Variants in TRAM1 observed in about 807,000 individuals in gnomAD.
TRAM1 encodes translocating chain-associated membrane protein 1.
TRAM1 carries 17 observed loss-of-function variants against 48.7 expected under a neutral mutation model. The ratio of observed to expected loss-of-function variants is 0.35; its 90% CI spans 0.24 to 0.52. TRAM1 has a LOEUF of 0.52. TRAM1 is among the 20% of genes least tolerant of loss of function. TRAM1 has a pLI of 0.94. For missense variants in TRAM1, 351 were observed against 441.5 expected (o/e 0.79, Z 1.84); for synonymous variants, 182 against 154.0 (o/e 1.18, Z -1.34).
chr8:70,592,385 CAT>C lies in TRAM1; in HGVS notation c.570+2119_570+2120del, dbSNP rs553821175. Among the ~76,000 whole-genome samples, 143 of 152,248 alleles carry C rather than the reference CAT, an allele frequency of 9.4e-4. 1 individual carries two copies. Among genetic ancestry groups the C allele is most frequent in the Middle Eastern group, 6.8e-3 (2 of 294 alleles). On this transcript the variant is annotated intron_variant, in intron 6 of 10. Coordinates refer to ENST00000262213, the MANE Select transcript of TRAM1 (RefSeq NM_014294.6). ...AGTAAAGAGTTCCAAAAATAATTTTCATAGAGTAAATTTTAAGAAACTGTTTA... is the reference window on the plus strand; with the variant it reads ...AGTAAAGAGTTCCAAAAATAATTTTCAGAGTAAATTTTAAGAAACTGTTTA...
chr8:70,594,838 T>G (rs1417440259), intron 5 of TRAM1, among the ~76,000 whole-genome samples: 1 of 152,164 alleles, frequency 6.6e-6, no homozygotes, highest in Non-Finnish European at 1.5e-5. Flanking sequence ...GCTATTGACA[T>G]GTAAGCCAGT....
Position 70,594,527 on chromosome 8 carries a change from G to C in TRAM1, c.549C>G (p.Leu183=). 3.1e-6 allele frequency: 5 copies of C among 1,600,538 alleles called. No individual in the cohort carries two copies. Among genetic ancestry groups the C allele is most frequent in the Non-Finnish European group, 4.3e-6 (5 of 1,173,768 alleles). The change falls in exon 6 of 11, where the codon CTC becomes CTG. Residue 183 remains leucine (L), a synonymous_variant. Coordinates refer to ENST00000262213, the MANE Select transcript of TRAM1 (RefSeq NM_014294.6). ...LAYWLHAFPE[L]YFQKTKKEDI... is the part of the protein sequence containing the mutation. ...TTACTTTTTTGGTTTTCTGGAAGTA[G>C]AGTTCAGGAAAAGCATGAAGCCAGT...
At chr8:70,583,887 C>T (rs1296152685) in intron 8 of TRAM1, 94 bp from the exon 9 acceptor site, 9 of 1,390,844 alleles carry the variant, frequency 6.5e-6, no homozygotes, top group Non-Finnish European at 8.6e-6. Context: ...GTGGCAGACG[C>T]CTGTAATCCC....
rs1289970061 is a variant in TRAM1 at position 70,598,265 on chromosome 8, A to T, written c.188-10T>A. The stretch of plus-strand genomic sequence containing the variant: ...TCAGTAGCTTGTTCTTCTGAAGACC[A>T]AAAAGGACACAAATACACAAAAATA... On this transcript the variant is annotated splice_polypyrimidine_tract_variant and intron_variant, in intron 2 of 10. Coordinates refer to ENST00000262213, the MANE Select transcript of TRAM1 (RefSeq NM_014294.6). The T allele has an allele frequency of 6.3e-7, 1 of 1,597,938 alleles. No individual in the cohort carries two copies. Among genetic ancestry groups the T allele is most frequent in the Non-Finnish European group, 8.5e-7 (1 of 1,172,208 alleles).
chr8:70,602,404 C>T (rs944668553), intron 1 of TRAM1, among the ~76,000 whole-genome samples: 1 of 152,134 alleles, frequency 6.6e-6, no homozygotes. Context: ...GTTAAACACA[C>T]AGGATAGAAA....
intron 10 of TRAM1, among the ~76,000 whole-genome samples, chr8:70,578,743 T>C (rs1476876733): frequency 6.6e-6 from 1 of 152,228 alleles, no homozygotes; most frequent in African/African-American, 2.4e-5. Flanking sequence ...CAACACTTTC[T>C]TTACAGCCAG....
Position 70,583,543 on chromosome 8 carries a change from T to C in TRAM1, c.890+107A>G, listed in dbSNP as rs755593604. 1.2e-4 allele frequency: 181 copies of C among 1,452,350 alleles called. No individual in the cohort carries two copies. The South Asian group carries it at 1.7e-3, about 14-fold the overall frequency. The allele number at this position is 1,452,350 out of a possible 1,614,324, so 90.0% of individuals were successfully genotyped here. ...GTATGAAATAAAATCAAATGAGTAT[T>C]TTCCCCAACCTCATATTCATCCTTT... On this transcript the variant is annotated intron_variant, in intron 9 of 10. Coordinates refer to ENST00000262213, the MANE Select transcript of TRAM1 (RefSeq NM_014294.6).
intron 1 of TRAM1, among the ~76,000 whole-genome samples, chr8:70,601,561 C>CACTA (rs1327851709): frequency 6.6e-6 from 1 of 152,204 alleles, no homozygotes; most frequent in Non-Finnish European, 1.5e-5. Flanking sequence ...TTCCACTCAT[C>CACTA]ACTATATTTC....
chr8:70,593,295 T>C (rs967261913), intron 6 of TRAM1, among the ~76,000 whole-genome samples: 1 of 152,046 alleles, frequency 6.6e-6, no homozygotes, highest in Non-Finnish European at 1.5e-5. Flanking sequence ...AATTAACTAT[T>C]TGTAGCACAC....
rs773098002 is a variant in TRAM1, at chr8:70,574,881, T to C, written c.*51A>G. 2.8e-5 allele frequency: 34 copies of C among 1,227,646 alleles called. No individual in the cohort carries two copies. The highest frequency in any genetic ancestry group is 1.6e-4 in the South Asian group (13 of 79,348). 76.0% of individuals were successfully genotyped at this position (1,227,646 alleles called of 1,614,324 possible). A position where few individuals can be genotyped will look rare whatever the true frequency, so the allele number is the denominator to read the frequency against. The stretch of plus-strand genomic sequence containing the variant: ...GAAAAATCTCTAATGCTGAAAGATA[T>C]AGTAGAAAGCAGATTTCTTTGGGGA... On this transcript the variant is annotated 3_prime_UTR_variant, in exon 11 of 11. Coordinates refer to ENST00000262213, the MANE Select transcript of TRAM1 (RefSeq NM_014294.6).
intron 5 of TRAM1, among the ~76,000 whole-genome samples, chr8:70,594,995 T>C (rs1461850270): frequency 2.0e-5 from 3 of 149,616 alleles, no homozygotes; most frequent in Non-Finnish European, 4.4e-5. Context: ...CATAGATTAA[T>C]AATCACCTGA....
intron 8 of TRAM1, 92 bp from the exon 9 acceptor site, chr8:70,583,885 C>T (rs1006054584): frequency 4.0e-5 from 56 of 1,400,444 alleles, no homozygotes; most frequent in South Asian, 9.3e-5. Flanking sequence ...TGGTGGCAGA[C>T]GCCTGTAATC....
chr8:70,587,371 G>GT, intron 6 of TRAM1, 195 bp from the exon 7 acceptor site: 1 of 529,646 alleles, frequency 1.9e-6, no homozygotes, highest in Non-Finnish European at 3.3e-6. Flanking sequence ...TTCTTTAAGA[G>GT]TAAGTGAAAA....
chr8:70,607,062 G>T, intron 1 of TRAM1: 1 of 918,480 alleles, frequency 1.1e-6, no homozygotes, highest in Non-Finnish European at 1.3e-6. Context: ...AAACAAGGCA[G>T]GAGCAAAATA....
chr8:70,596,384 A>G (rs948761993), intron 4 of TRAM1, 63 bp from the exon 5 acceptor site: 4 of 1,228,484 alleles, frequency 3.3e-6, no homozygotes, highest in Non-Finnish European at 4.6e-6. Flanking sequence ...AAAATAAGGC[A>G]TTACTTTCAT....
chr8:70,607,580 G>T, intron 1 of TRAM1: 1 of 758,626 alleles, frequency 1.3e-6, no homozygotes, highest in Non-Finnish European at 1.6e-6. Context: ...GTGGTCTCCA[G>T]GCCGGCACTC....
At chr8:70,588,395 G>C (rs1364746300) in intron 6 of TRAM1, among the ~76,000 whole-genome samples, 2 of 152,054 alleles carry the variant, frequency 1.3e-5, no homozygotes, top group African/African-American at 4.8e-5. Flanking sequence ...AGTCTAGCCT[G>C]GGCAACAGAG....
chr8:70,596,387 A>G, intron 4 of TRAM1, 66 bp from the exon 5 acceptor site: 1 of 1,228,518 alleles, frequency 8.1e-7, no homozygotes. Flanking sequence ...ATAAGGCATT[A>G]CTTTCATTTC....
At position 70,574,946 on chromosome 8, in the gene TRAM1, CT is replaced by C; in HGVS notation, c.1110del (p.Glu371ArgfsTer8). On this transcript the variant is annotated frameshift_variant, in exon 11 of 11. Coordinates refer to ENST00000262213, the MANE Select transcript of TRAM1 (RefSeq NM_014294.6). LOFTEE classifies it high-confidence loss of function. The part of the protein sequence containing the change: ...SNVADSPRNK[K>X]EKSS ...TTTATAATTCATTATGAAGATTTCT[CT>C]TTTTTATTCCGGGGAGAGTCTGCTA... The C allele has an allele frequency of 6.2e-7, 1 of 1,608,200 alleles. No homozygotes were observed.
Sources: gnomAD v4.1 joint callset for allele counts (sites outside exome capture counted in the v4.1 genomes callset) on GRCh38, gnomAD v4.1.1 for gene constraint, MANE v1.5 for transcripts, NCBI Gene and HGNC (gene_info 2026-07-23, HGNC 2026-07-21) for gene names.